GPHN: variants seen among roughly 807,000 people sequenced by gnomAD.
GPHN encodes gephyrin.
A neutral mutation model predicts 95.5 loss-of-function variants in GPHN; 17 were observed. That is an observed-to-expected ratio of 0.18 (90% CI 0.12 to 0.27). The LOEUF (loss-of-function observed/expected upper bound fraction) is 0.27, where lower values mean the gene tolerates loss of function less well. Ranked by LOEUF, GPHN falls within the 10% of genes least tolerant of loss-of-function variation. GPHN has a pLI of 1.00. For synonymous variants in GPHN, 320 were observed against 322.5 expected, an observed-to-expected ratio of 0.99 and a Z score of 0.08; for missense variants, 660 against 978.1, an observed-to-expected ratio of 0.67 and a Z score of 4.34.
In GPHN at chr14:67,057,104, C is replaced by T. The variant is rs113797831; in HGVS notation, c.1007-1545C>T. ...AAGCAGAGGGAGCCGGCTCTGGCCT[C>T]GGCCAGCCCAGAGAGGGGTTCCCAC... On this transcript the variant is annotated intron_variant, in intron 10 of 22. Coordinates refer to ENST00000478722, the MANE Select transcript of GPHN (RefSeq NM_020806.5). Among the ~76,000 whole-genome samples, 23 of 152,242 alleles carry T rather than the reference C, an allele frequency of 1.5e-4. 2 individuals carry two copies. The highest frequency in any genetic ancestry group is 4.3e-4 in the African/African-American group (18 of 41,552).
At chr14:67,120,003 G>A (rs546818553) in intron 16 of GPHN, among the ~76,000 whole-genome samples, 2 of 151,880 alleles carry the variant, frequency 1.3e-5, no homozygotes, top group Non-Finnish European at 2.9e-5. Context: ...GGTAGTGTGC[G>A]CCTGTAGTCC....
chr14:67,026,614 G>T (rs2073936384), intron 10 of GPHN, among the ~76,000 whole-genome samples: 1 of 152,038 alleles, frequency 6.6e-6, no homozygotes. Context: ...TTCAGACCTT[G>T]ATTTTATAGC....
the GPHN span, among the ~76,000 whole-genome samples, chr14:67,445,152 G>A: frequency 6.6e-6 from 1 of 152,152 alleles, no homozygotes; most frequent in Non-Finnish European, 1.5e-5. Context: ...TGGCTGTCCT[G>A]ACTTGTATCC....
the GPHN span, among the ~76,000 whole-genome samples, chr14:67,498,004 C>G: frequency 8.5e-5 from 13 of 152,104 alleles, no homozygotes; most frequent in Admixed American, 8.5e-4. Context: ...CTCCCCACTA[C>G]CCGTCAACAC....
At position 67,181,176 on chromosome 14, in the gene GPHN, T is replaced by A; in HGVS notation, c.*239T>A. 1.8e-6 allele frequency: 1 copy of A among 554,124 alleles called. No individual in the cohort carries two copies. Among genetic ancestry groups the A allele is most frequent in the Non-Finnish European group, 3.2e-6 (1 of 310,014 alleles). 34.3% of individuals were successfully genotyped at this position (554,124 alleles called of 1,614,324 possible). A position where few individuals can be genotyped will look rare whatever the true frequency, so the allele number is the denominator to read the frequency against. On this transcript the variant is annotated 3_prime_UTR_variant, in exon 23 of 23. Coordinates refer to ENST00000478722, the MANE Select transcript of GPHN (RefSeq NM_020806.5). The stretch of plus-strand genomic sequence containing the variant: ...AGGCAAATTTTTCCTTTCTTGCAAA[T>A]TGCTTTGTGTGTTCAATGCTAGGTC...
In GPHN at chr14:66,732,785, G is replaced by A. The variant is rs377206157; in HGVS notation, c.144-43679G>A. On this transcript the variant is annotated intron_variant, in intron 2 of 22. Coordinates refer to ENST00000478722, the MANE Select transcript of GPHN (RefSeq NM_020806.5). Reference sequence around the variant, plus strand: ...CCCCCTCGGCCTCCCAAATTGCTGGGGTTACAGGAATGAGCCACCGCATCT... The same window carrying A: ...CCCCCTCGGCCTCCCAAATTGCTGGAGTTACAGGAATGAGCCACCGCATCT... 8.7e-4 allele frequency among the ~76,000 whole-genome samples: 132 copies of A among 152,182 alleles called. 4 individuals are homozygous for A. In the South Asian group the frequency reaches 0.027, roughly 31 times the overall value.
At chr14:66,916,632 C>T (rs2065923862) in intron 6 of GPHN, among the ~76,000 whole-genome samples, 1 of 151,896 alleles carries the variant, frequency 6.6e-6, no homozygotes, top group Non-Finnish European at 1.5e-5. Context: ...CCAGAACTGA[C>T]ACCATGTGGC....
At chr14:67,557,271 G>C in the GPHN span, 1 of 1,613,410 alleles carries the variant, frequency 6.2e-7, no homozygotes, top group South Asian at 1.1e-5. Context: ...CTTTTCAGGT[G>C]GGTGTCATGG....
At chr14:67,687,308 G>A in the GPHN span, among the ~76,000 whole-genome samples, 24 of 152,060 alleles carry the variant, frequency 1.6e-4, no homozygotes, top group Non-Finnish European at 2.8e-4. Flanking sequence ...TGGCCTCTAA[G>A]GGTTTGGCAT....
the GPHN span, among the ~76,000 whole-genome samples, chr14:67,485,105 C>A: frequency 6.6e-6 from 1 of 152,228 alleles, no homozygotes; most frequent in Non-Finnish European, 1.5e-5. Context: ...TTCTCTGGTA[C>A]TATTTCCTAA....
intron 9 of GPHN, among the ~76,000 whole-genome samples, chr14:66,995,408 G>A: frequency 6.6e-6 from 1 of 152,140 alleles, no homozygotes; most frequent in East Asian, 1.9e-4. Flanking sequence ...TTATAGTGTT[G>A]CTATTGCCAT....
chr14:67,414,544 G>T, the GPHN span, among the ~76,000 whole-genome samples: 1 of 152,310 alleles, frequency 6.6e-6, no homozygotes, highest in Non-Finnish European at 1.5e-5. Flanking sequence ...AGGCTGATGT[G>T]GAAGGGTCCC....
intron 3 of GPHN, among the ~76,000 whole-genome samples, chr14:66,803,277 C>G (rs1292268885): frequency 6.6e-6 from 1 of 152,188 alleles, no homozygotes; most frequent in Non-Finnish European, 1.5e-5. Flanking sequence ...GCTGTCTGCA[C>G]CACACCTCCA....
At chr14:66,706,134 A>G (rs1468783469) in intron 2 of GPHN, among the ~76,000 whole-genome samples, 1 of 152,218 alleles carries the variant, frequency 6.6e-6, no homozygotes, top group East Asian at 1.9e-4. Flanking sequence ...AGGGAGAACT[A>G]CAAACCACTG....
At chr14:67,613,570 CAA>C in the GPHN span, 10 of 213,426 alleles carry the variant, frequency 4.7e-5, no homozygotes, top group African/African-American at 2.3e-4. Context: ...TCAATGGAAA[CAA>C]GATTATTCTC....
intron 11 of GPHN, among the ~76,000 whole-genome samples, chr14:67,067,032 G>C (rs1351996121): frequency 2.0e-5 from 3 of 152,186 alleles, no homozygotes; most frequent in Non-Finnish European, 4.4e-5. Context: ...AGAATTTTCA[G>C]CTTTTCTGCT....
the GPHN span, among the ~76,000 whole-genome samples, chr14:67,211,717 C>A: frequency 6.6e-6 from 1 of 152,094 alleles, no homozygotes; most frequent in African/African-American, 2.4e-5. Context: ...CCATCCTGGG[C>A]AACTTAACAA....
At chr14:66,709,506 C>A in intron 2 of GPHN, 1 of 425,602 alleles carries the variant, frequency 2.3e-6, no homozygotes, top group Non-Finnish European at 4.8e-6. Flanking sequence ...ATTCACTGGA[C>A]AAAGGGATGA....
chr14:66,557,670 T>C (rs1393166187), intron 1 of GPHN, among the ~76,000 whole-genome samples: 1 of 152,150 alleles, frequency 6.6e-6, no homozygotes, highest in Non-Finnish European at 1.5e-5. Context: ...AAGACCAAAG[T>C]GTTAAGTTAC....
Sources: gnomAD v4.1 joint callset for allele counts (sites outside exome capture counted in the v4.1 genomes callset) on GRCh38, gnomAD v4.1.1 for gene constraint, MANE v1.5 for transcripts, NCBI Gene and HGNC (gene_info 2026-07-23, HGNC 2026-07-21) for gene names.